DPYD: variants seen among roughly 807,000 people sequenced by gnomAD.
DPYD encodes the protein dihydropyrimidine dehydrogenase [NADP(+)].
In DPYD, 109 loss-of-function variants were observed where a neutral mutation model predicts 116.2. The observed-to-expected ratio is 0.94, with a 90% CI of 0.80 to 1.10. DPYD has a LOEUF of 1.10. Ranked by LOEUF, DPYD falls within the 50% of genes least tolerant of loss-of-function variation. DPYD has a pLI of 0.00. For missense variants in DPYD, 1,302 were observed against 1,254.5 expected, an observed-to-expected ratio of 1.04 and a Z score of -0.57; for synonymous variants, 440 against 432.0, an observed-to-expected ratio of 1.02 and a Z score of -0.23.
At chr1:97,255,404 A>G (rs1376759654) in intron 18 of DPYD, among the ~76,000 whole-genome samples, 1 of 152,100 alleles carries the variant, frequency 6.6e-6, no homozygotes, top group African/African-American at 2.4e-5. Flanking sequence ...ACCCAGTGGG[A>G]GGTAATTAAA....
chr1:97,429,012 G>C (rs1477768456), intron 14 of DPYD, among the ~76,000 whole-genome samples: 1 of 151,964 alleles, frequency 6.6e-6, no homozygotes, highest in Non-Finnish European at 1.5e-5. Context: ...GAAAATTTAA[G>C]AGCTTAAGTA....
Position 97,306,173 on chromosome 1 carries a change from T to G in DPYD, c.2179+4A>C. The G allele has an allele frequency of 6.2e-7, 1 of 1,612,330 alleles. No individual in the cohort carries two copies. The highest frequency in any genetic ancestry group is 8.5e-7 in the Non-Finnish European group (1 of 1,178,738). On this transcript the variant is annotated splice_donor_region_variant and intron_variant, in intron 17 of 22. Transcript: ENST00000370192. ...CGGGCAACTGATTCAAGTCAAGTTC[T>G]TACCTTCCTTTGCAGCTCTTGCGAT...
chr1:97,696,497 G>A (rs769368471), intron 6 of DPYD, among the ~76,000 whole-genome samples: 22 of 152,054 alleles, frequency 1.4e-4, no homozygotes, highest in Non-Finnish European at 2.5e-4. Flanking sequence ...TGAGAAAGGA[G>A]ATAAAAGGAC....
chr1:97,344,081 T>C (rs991997581), intron 16 of DPYD, among the ~76,000 whole-genome samples: 1 of 151,798 alleles, frequency 6.6e-6, no homozygotes, highest in African/African-American at 2.4e-5. Context: ...ATTACACTTA[T>C]TAGTGGAAAA....
chr1:97,811,614 A>G (rs1668353445), intron 3 of DPYD, among the ~76,000 whole-genome samples: 1 of 152,160 alleles, frequency 6.6e-6, no homozygotes, highest in Admixed American at 6.5e-5. Flanking sequence ...ATAAAAAATA[A>G]CTTTGTTTCG....
chr1:97,306,881 T>G (rs1227947677), intron 16 of DPYD, among the ~76,000 whole-genome samples: 2 of 151,978 alleles, frequency 1.3e-5, no homozygotes, highest in Non-Finnish European at 1.5e-5. Context: ...TTTAATTTAC[T>G]TTTGTAAATG....
chr1:97,724,298 GGGGGGGGGGGTGTGTGTGTGTGT>G (rs1290306363), intron 4 of DPYD, among the ~76,000 whole-genome samples: 252 of 18,718 alleles, frequency 0.013, 6 homozygotes, highest in African/African-American at 0.042. Flanking sequence ...GTATGTGGGG[GGGGGGGGGGGTGTGTGTGTGTGT>G]GTGTGTGTGT....
chr1:97,839,051 A>G (rs1240536603), intron 2 of DPYD, among the ~76,000 whole-genome samples: 2 of 152,094 alleles, frequency 1.3e-5, no homozygotes, highest in Non-Finnish European at 2.9e-5. Context: ...ACTTCCTTAC[A>G]CCTTGGTTAA....
intron 16 of DPYD, among the ~76,000 whole-genome samples, chr1:97,352,661 AT>A (rs937115478): frequency 4.1e-4 from 62 of 150,612 alleles, no homozygotes; most frequent in Middle Eastern, 6.9e-3. Flanking sequence ...TGGTTGTTTG[AT>A]TTTTTTTTCC....
chr1:97,091,218 G>A (rs1276246478), intron 21 of DPYD, among the ~76,000 whole-genome samples: 2 of 152,132 alleles, frequency 1.3e-5, no homozygotes, highest in African/African-American at 4.8e-5. Context: ...GATAAACAAA[G>A]CAGTGTCATG....
chr1:97,403,088 T>A (rs987872042), intron 14 of DPYD, among the ~76,000 whole-genome samples: 1 of 152,118 alleles, frequency 6.6e-6, no homozygotes, highest in Non-Finnish European at 1.5e-5. Context: ...TCTGGTTTGC[T>A]GTCAGTGCAA....
chr1:97,678,234 T>C (rs1253903237), intron 8 of DPYD, among the ~76,000 whole-genome samples: 3 of 152,148 alleles, frequency 2.0e-5, no homozygotes, highest in Non-Finnish European at 4.4e-5. Flanking sequence ...CTATGATAAT[T>C]TAATGCCATT....
rs547629998 is a variant in DPYD at position 97,779,645 on chromosome 1, G to A, written c.234-39166C>T. On this transcript the variant is annotated intron_variant, in intron 3 of 22. Transcript: ENST00000370192. ...GTTCTCTGTTTCCCTTTTTGCATTA[G>A]TTGCTAAAGTACTTACAGAATAATT... Among the ~76,000 whole-genome samples the A allele has an allele frequency of 2.0e-5, 3 of 152,112 alleles. No homozygotes were observed. In the East Asian group the frequency reaches 5.8e-4, roughly 29 times the overall value.
intron 20 of DPYD, among the ~76,000 whole-genome samples, chr1:97,155,531 C>A (rs1484338652): frequency 1.3e-5 from 2 of 152,206 alleles, no homozygotes; most frequent in Non-Finnish European, 2.9e-5. Context: ...TCCTAATACA[C>A]TGAAAGCCTG....
Position 97,469,397 on chromosome 1 carries a change from C to CAAAAAAAAAAAAAAAAAAAAAAA in DPYD, c.1741-19197_1741-19175dup, listed in dbSNP as rs59090402. 3.6e-4 allele frequency among the ~76,000 whole-genome samples: 29 copies of CAAAAAAAAAAAAAAAAAAAAAAA among 80,804 alleles called. 2 individuals carry two copies. Among genetic ancestry groups the CAAAAAAAAAAAAAAAAAAAAAAA allele is most frequent in the African/African-American group, 1.4e-3 (25 of 18,470 alleles). The allele number at this position is 80,804 out of a possible 152,430, so 53.0% of individuals were successfully genotyped here. Reference sequence around the variant, plus strand: ...ATAGCTCTAAGGGAAGCTAAAATTGCAAAAAAAAAAAAAAAAAAAAAAAAA... The same window carrying CAAAAAAAAAAAAAAAAAAAAAAA: ...ATAGCTCTAAGGGAAGCTAAAATTGCAAAAAAAAAAAAAAAAAAAAAAAAAAAAAAAAAAAAAAAAAAAAAAAA... On this transcript the variant is annotated intron_variant, in intron 13 of 22. Coordinates refer to ENST00000370192, the MANE Select transcript of DPYD (RefSeq NM_000110.4).
chr1:97,726,437 G>C (rs1333381455), intron 4 of DPYD, among the ~76,000 whole-genome samples: 1 of 151,538 alleles, frequency 6.6e-6, no homozygotes, highest in East Asian at 1.9e-4. Flanking sequence ...AACATATTTA[G>C]TTCCTGCTGA....
intron 5 of DPYD, among the ~76,000 whole-genome samples, chr1:97,702,404 T>G (rs887454527): frequency 2.0e-5 from 3 of 151,834 alleles, no homozygotes; most frequent in Admixed American, 1.3e-4. Flanking sequence ...AAATAAATGC[T>G]AATTTCTTTC....
intron 18 of DPYD, among the ~76,000 whole-genome samples, chr1:97,287,239 C>A (rs111884061): frequency 6.6e-6 from 1 of 152,100 alleles, no homozygotes; most frequent in Non-Finnish European, 1.5e-5. Context: ...CGCAGAACAG[C>A]GGATTTTCAT....
intron 10 of DPYD, among the ~76,000 whole-genome samples, chr1:97,584,099 C>T (rs560232154): frequency 2.0e-5 from 3 of 152,152 alleles, no homozygotes; most frequent in Non-Finnish European, 4.4e-5. Context: ...TTTTAATGAT[C>T]GCCATTCTAA....
Sources: allele counts gnomAD v4.1 joint callset (sites outside exome capture counted in the v4.1 genomes callset), GRCh38; gene constraint gnomAD v4.1.1; transcripts MANE v1.5; gene names NCBI Gene and HGNC (gene_info 2026-07-23, HGNC 2026-07-21).